Variants in DCDC2 observed in about 807,000 individuals in gnomAD.
DCDC2 encodes the protein doublecortin domain-containing protein 2.
A neutral mutation model predicts 50.2 loss-of-function variants in DCDC2; 40 were observed. The ratio of observed to expected loss-of-function variants is 0.80; its 90% CI spans 0.62 to 1.04. The LOEUF is 1.04. DCDC2 is among the 50% of genes least tolerant of loss of function. DCDC2 has a pLI of 0.00. For missense variants in DCDC2, 570 were observed against 581.9 expected, an observed-to-expected ratio of 0.98 and a Z score of 0.21; for synonymous variants, 234 against 210.6, an observed-to-expected ratio of 1.11 and a Z score of -0.96.
At chr6:24,267,383 T>G (rs1324131433) in intron 7 of DCDC2, among the ~76,000 whole-genome samples, 1 of 152,230 alleles carries the variant, frequency 6.6e-6, no homozygotes, top group Non-Finnish European at 1.5e-5. Flanking sequence ...TTATTATGAA[T>G]TATATGCCTG....
the DCDC2 span, among the ~76,000 whole-genome samples, chr6:24,381,799 AAAGAAAGGAAGGAAGG>A: frequency 5.7e-5 from 5 of 88,218 alleles, no homozygotes; most frequent in Non-Finnish European, 1.2e-4. Flanking sequence ...GAAAGGAAGG[AAAGAAAGGAAGGAAGG>A]AAGGAAGGAA....
At chr6:24,267,590 A>G (rs12201442) in intron 7 of DCDC2, among the ~76,000 whole-genome samples, 16,124 of 152,266 alleles carry the variant, frequency 0.11, 920 homozygotes, top group Middle Eastern at 0.16. Context: ...TTACTGGAGG[A>G]TATGTCCTGC....
chr6:24,176,109 A>G (rs1182707539), intron 9 of DCDC2, among the ~76,000 whole-genome samples: 1 of 152,086 alleles, frequency 6.6e-6, no homozygotes, highest in Admixed American at 6.6e-5. Flanking sequence ...CCTGTGCAAC[A>G]CAGGGAGGGA....
intron 7 of DCDC2, among the ~76,000 whole-genome samples, chr6:24,255,879 A>C (rs1171321417): frequency 1.3e-5 from 2 of 152,122 alleles, no homozygotes; most frequent in Admixed American, 1.3e-4. Context: ...TGAAATATGC[A>C]AATCATGTGG....
chr6:24,296,281 T>C (rs1759237606), intron 4 of DCDC2, among the ~76,000 whole-genome samples: 1 of 152,118 alleles, frequency 6.6e-6, no homozygotes, highest in Non-Finnish European at 1.5e-5. Flanking sequence ...CAGATACAGA[T>C]GACTGAAATT....
At chr6:24,323,021 G>A (rs1202517629) in intron 2 of DCDC2, among the ~76,000 whole-genome samples, 1 of 152,168 alleles carries the variant, frequency 6.6e-6, no homozygotes, top group Non-Finnish European at 1.5e-5. Flanking sequence ...GAAAACACCA[G>A]ATATGTCCTA....
chr6:24,270,667 G>T (rs1195317808), intron 7 of DCDC2, among the ~76,000 whole-genome samples: 1 of 152,074 alleles, frequency 6.6e-6, no homozygotes, highest in East Asian at 1.9e-4. Context: ...GGGAGAAAGG[G>T]TAATAAACCC....
intron 6 of DCDC2, 34 bp downstream of exon 6, chr6:24,288,818 T>C (rs372177610): frequency 4.6e-5 from 73 of 1,577,674 alleles, no homozygotes; most frequent in East Asian, 1.3e-4. Context: ...TATAAAAATA[T>C]AGAACATCAA....
chr6:24,180,243 T>C (rs1447978740), intron 8 of DCDC2, among the ~76,000 whole-genome samples: 1 of 152,170 alleles, frequency 6.6e-6, no homozygotes, highest in East Asian at 1.9e-4. Context: ...GGAGCCACCA[T>C]ATTTCTTCAA....
chr6:24,276,379 AAAG>A (rs1763357487), intron 7 of DCDC2, among the ~76,000 whole-genome samples: 1 of 150,910 alleles, frequency 6.6e-6, no homozygotes. Flanking sequence ...ACCTCACAGA[AAAG>A]AAGCAAATAA....
chr6:24,349,336 G>A (rs1380836802), intron 2 of DCDC2, among the ~76,000 whole-genome samples: 1 of 152,236 alleles, frequency 6.6e-6, no homozygotes, highest in Non-Finnish European at 1.5e-5. Flanking sequence ...GAGAGGTCAT[G>A]CATGTCTTAA....
At position 24,349,255 on chromosome 6, in the gene DCDC2, T is replaced by C. The variant is rs1251119048; in HGVS notation, c.348+4314A>G. Among the ~76,000 whole-genome samples the C allele has an allele frequency of 2.6e-5, 4 of 152,182 alleles. No homozygotes were observed. In the East Asian group the frequency reaches 7.7e-4, roughly 29 times the overall value. ...CTCAATGCAAACTATATTTACTAAA[T>C]CGAATCACTTATGATGTAGTACTAG... On this transcript the variant is annotated intron_variant, in intron 2 of 9. Transcript: ENST00000378454.
rs34475687 is a variant in DCDC2, at chr6:24,208,363, CTTTTT to C, written c.923-3266_923-3262del. Among the ~76,000 whole-genome samples, 798 of 84,354 alleles carry C rather than the reference CTTTTT, an allele frequency of 9.5e-3. 5 individuals carry two copies. Among genetic ancestry groups the C allele is most frequent in the Middle Eastern group, 0.069 (7 of 102 alleles). 55.3% of individuals were successfully genotyped at this position (84,354 alleles called of 152,430 possible). On this transcript the variant is annotated intron_variant, in intron 7 of 9. Transcript: ENST00000378454. ...ACCAACAGCTCCCTCCTCTGTGCTA[CTTTTT>C]TTTTTTTTTTTTTTTTTTTTGAGAT...
chr6:24,291,116 C>T, intron 4 of DCDC2, 38 bp from the exon 5 acceptor site: 1 of 1,580,662 alleles, frequency 6.3e-7, no homozygotes, highest in Non-Finnish European at 8.6e-7. Context: ...AGAATTTTAA[C>T]CAACATTTAA....
chr6:24,262,022 A>G (rs1239574669), intron 7 of DCDC2, among the ~76,000 whole-genome samples: 1 of 151,984 alleles, frequency 6.6e-6, no homozygotes, highest in African/African-American at 2.4e-5. Flanking sequence ...TAAAAAACAA[A>G]TATCAGGTAA....
chr6:24,275,255 A>G (rs12205083), intron 7 of DCDC2, among the ~76,000 whole-genome samples: 17,480 of 152,240 alleles, frequency 0.11, 1,097 homozygotes, highest in Middle Eastern at 0.16. Flanking sequence ...ATGGAGAGGG[A>G]CTTTTGATAT....
intron 8 of DCDC2, among the ~76,000 whole-genome samples, chr6:24,182,644 A>AAAAAAAAAAAAAAAGAAGAAAAAAAG: frequency 6.7e-6 from 1 of 150,316 alleles, no homozygotes; most frequent in East Asian, 1.9e-4. Context: ...AAAAAAAAAA[A>AAAAAAAAAAAAAAAGAAGAAAAAAAG]CAGAAGAAAA....
At chr6:24,268,410 C>T (rs1219794039) in intron 7 of DCDC2, among the ~76,000 whole-genome samples, 2 of 152,128 alleles carry the variant, frequency 1.3e-5, no homozygotes, top group Admixed American at 6.5e-5. Context: ...TTGCTTGAAC[C>T]TGGGAGGCAG....
intron 7 of DCDC2, among the ~76,000 whole-genome samples, chr6:24,252,151 T>A (rs1308178966): frequency 2.0e-5 from 3 of 152,204 alleles, no homozygotes; most frequent in Non-Finnish European, 4.4e-5. Flanking sequence ...CTATTTCCCA[T>A]CTTTTGATTT....
Sources: gnomAD v4.1 joint callset for allele counts (sites outside exome capture counted in the v4.1 genomes callset) on GRCh38, gnomAD v4.1.1 for gene constraint, MANE v1.5 for transcripts, NCBI Gene and HGNC (gene_info 2026-07-23, HGNC 2026-07-21) for gene names.